The following FAM186B variants were observed in gnomAD, a reference collection of about 807,000 sequenced individuals.
FAM186B encodes family with sequence similarity 186 member B.
In FAM186B, 68 loss-of-function variants were observed where a neutral mutation model predicts 83.4. The ratio of observed to expected loss-of-function variants is 0.81; its 90% CI spans 0.67 to 1.00. FAM186B has a LOEUF of 1.00. FAM186B is among the 50% of genes least tolerant of loss of function. The pLI is 0.00. For synonymous variants in FAM186B, 389 were observed against 422.0 expected, an observed-to-expected ratio of 0.92 and a Z score of 0.96; for missense variants, 983 against 1,099.2, an observed-to-expected ratio of 0.89 and a Z score of 1.49.
At chr12:49,617,741 T>C in the FAM186B span, among the ~76,000 whole-genome samples, 5 of 152,232 alleles carry the variant, frequency 3.3e-5, no homozygotes, top group South Asian at 2.1e-4. Context: ...AAATGGTAGA[T>C]TGAACATGAG....
At position 49,599,568 on chromosome 12, in the gene FAM186B, T is replaced by C. The variant is rs1939816606; in HGVS notation, c.2072A>G (p.Lys691Arg). The C allele has an allele frequency of 2.5e-6, 4 of 1,612,362 alleles. No individual in the cohort carries two copies. Among genetic ancestry groups the C allele is most frequent in the Non-Finnish European group, 3.4e-6 (4 of 1,179,242 alleles). Residue 691 changes from lysine (K) to arginine (R), a missense_variant, in exon 4 of 7, where the codon AAA (lysine) becomes AGA (arginine). Physicochemically the swap from Lys to Arg is conservative, Grantham distance 26 (BLOSUM62 2). Transcript: ENST00000257894. ...GGTGGTGGTGGTGAGCTCCAGTGCT[T>C]TGCTGCGCAGGTAGTGGGGCAGCCT... ...ELRLPHYLRSKALELTTTTME... is the reference protein window; with the variant it reads ...ELRLPHYLRSRALELTTTTME...
At chr12:49,584,683 C>G (rs1173464908), downstream of FAM186B, 5 of 699,248 alleles carry the variant, frequency 7.2e-6, no homozygotes, top group African/African-American at 8.7e-5. Context: ...TGAGTGCCAT[C>G]CCACACCTGA....
chr12:49,609,646 T>G (rs1940064210), upstream of FAM186B, among the ~76,000 whole-genome samples: 1 of 152,232 alleles, frequency 6.6e-6, no homozygotes, highest in Non-Finnish European at 1.5e-5. Context: ...ACCTGGAGCA[T>G]GCACTCTCCT....
At chr12:49,598,730 G>A (rs760831694) in intron 5 of FAM186B, 25 bp downstream of exon 5, 12 of 1,520,338 alleles carry the variant, frequency 7.9e-6, no homozygotes, top group Middle Eastern at 2.3e-4. Flanking sequence ...GCGGAGTGGC[G>A]GGGGGGTCAG....
chr12:49,598,510 A>C (rs1214093419), intron 5 of FAM186B, among the ~76,000 whole-genome samples: 2 of 151,900 alleles, frequency 1.3e-5, no homozygotes, highest in Non-Finnish European at 2.9e-5. Flanking sequence ...TTGAAGAGAC[A>C]TCTCTCTCTC....
the FAM186B span, chr12:49,619,366 G>A: frequency 2.5e-6 from 1 of 402,318 alleles, no homozygotes. Flanking sequence ...CCCTTCATAT[G>A]ATGAAAATCT....
chr12:49,617,272 T>C, the FAM186B span, among the ~76,000 whole-genome samples: 2 of 152,214 alleles, frequency 1.3e-5, no homozygotes, highest in Non-Finnish European at 2.9e-5. Flanking sequence ...TGGCTGGACA[T>C]GGTGGCTCAC....
chr12:49,586,314 G>C (rs577702195), downstream of FAM186B, among the ~76,000 whole-genome samples: 44 of 152,268 alleles, frequency 2.9e-4, no homozygotes, highest in African/African-American at 1.0e-3. Flanking sequence ...CCAGAGAGGC[G>C]GGGAAAGAGG....
Position 49,587,673 on chromosome 12 carries a change from C to A in FAM186B, c.2614G>T (p.Ala872Ser), listed in dbSNP as rs1939477683. The A allele has an allele frequency of 2.5e-6, 4 of 1,613,626 alleles. No homozygotes were observed. The highest frequency in any genetic ancestry group is 3.4e-6 in the Non-Finnish European group (4 of 1,180,000). The change falls in exon 7 of 7, where the codon GCC becomes TCC. Residue 872 changes from alanine to serine, a missense_variant. Coordinates refer to ENST00000257894, the MANE Select transcript of FAM186B (RefSeq NM_032130.3). Reference protein sequence around the residue: ...SSYAIEKKTPASLPRDQLRGH... With the variant: ...SSYAIEKKTPSSLPRDQLRGH... Reference sequence around the variant, plus strand: ...CTCAGCTGGTCCCGGGGAAGGCTGGCAGGGGTCTTTTTTTCTATTGCGTAA... The same window carrying A: ...CTCAGCTGGTCCCGGGGAAGGCTGGAAGGGGTCTTTTTTTCTATTGCGTAA...
chr12:49,601,917 A>C (rs1174638234), intron 3 of FAM186B, among the ~76,000 whole-genome samples: 1 of 152,178 alleles, frequency 6.6e-6, no homozygotes, highest in East Asian at 1.9e-4. Context: ...GGAAATATAA[A>C]AATTAAGGGA....
chr12:49,583,942 T>G (rs1339985509), downstream of FAM186B: 1 of 154,590 alleles, frequency 6.5e-6, no homozygotes, highest in Non-Finnish European at 1.4e-5. Flanking sequence ...AGAGACGGCC[T>G]CCTTAGCCCA....
chr12:49,604,201 C>T (rs1298357974), intron 2 of FAM186B, 112 bp downstream of exon 2: 1 of 795,864 alleles, frequency 1.3e-6, no homozygotes. Context: ...TGTGCTGTGA[C>T]ACGAGTGGTG....
chr12:49,600,861 T>G lies in FAM186B; in HGVS notation c.779A>C (p.Lys260Thr). The G allele has an allele frequency of 1.2e-6, 2 of 1,613,568 alleles. No individual in the cohort carries two copies. Among genetic ancestry groups the G allele is most frequent in the East Asian group, 2.2e-5 (1 of 44,884 alleles). ...QHKENRSLET[K>T]YRHLQMQATK... ...CGCCTGCATTTGCAGGTGCCTGTATTTGGTCTCCAGGCTCCTGTTCTCCTT... is the reference window on the plus strand; with the variant it reads ...CGCCTGCATTTGCAGGTGCCTGTATGTGGTCTCCAGGCTCCTGTTCTCCTT... The change falls in exon 4 of 7, where the codon AAA (lysine) becomes ACA (threonine). Residue 260 changes from lysine (K) to threonine (T), a missense_variant. Coordinates refer to ENST00000257894, the MANE Select transcript of FAM186B (RefSeq NM_032130.3). This position sits in a 1 kb window ranked among gnomAD's most constrained non-coding sequence, Gnocchi z 4.3.
Position 49,605,405 on chromosome 12 carries a change from C to A in FAM186B, c.73G>T (p.Ala25Ser). Reference protein sequence around the residue: ...VKAIILRIEAAQLTRAQEDIS... With the variant: ...VKAIILRIEASQLTRAQEDIS... Reference sequence around the variant, plus strand: ...ACCTCTTGAGCCCGAGTTAGCTGGGCAGCCTCAATCCTCAGGATGATGGCT... The same window carrying A: ...ACCTCTTGAGCCCGAGTTAGCTGGGAAGCCTCAATCCTCAGGATGATGGCT... Residue 25 changes from alanine (A) to serine (S), a missense_variant, in exon 1 of 7, where the codon GCC (alanine) becomes TCC (serine). Transcript: ENST00000257894. 1 of 1,613,584 alleles carries A rather than the reference C, an allele frequency of 6.2e-7. No individual in the cohort carries two copies. Among genetic ancestry groups the A allele is most frequent in the Non-Finnish European group, 8.5e-7 (1 of 1,179,846 alleles).
At chr12:49,619,864 G>C in the FAM186B span, among the ~76,000 whole-genome samples, 1 of 151,414 alleles carries the variant, frequency 6.6e-6, no homozygotes, top group South Asian at 2.1e-4. Context: ...TTTTTTAGTA[G>C]AGACGGGGTT....
At chr12:49,610,005 G>C (rs1476440155), upstream of FAM186B, among the ~76,000 whole-genome samples, 1 of 152,140 alleles carries the variant, frequency 6.6e-6, no homozygotes, top group African/African-American at 2.4e-5. Context: ...CCATCTACTG[G>C]CCTGTACATC....
chr12:49,595,627 T>A, intron 5 of FAM186B: 1 of 417,228 alleles, frequency 2.4e-6, no homozygotes, highest in Non-Finnish European at 4.8e-6. Context: ...ATTACAATTG[T>A]TGAAGCCCTG....
chr12:49,596,379 A>C (rs967433694), intron 5 of FAM186B, among the ~76,000 whole-genome samples: 2 of 151,750 alleles, frequency 1.3e-5, no homozygotes, highest in Non-Finnish European at 1.5e-5. Flanking sequence ...CATTTATCCA[A>C]AAAAGACATA....
chr12:49,587,053 CAGTAGTGA>C (rs1939460464), downstream of FAM186B, among the ~76,000 whole-genome samples: 4 of 152,176 alleles, frequency 2.6e-5, no homozygotes, highest in Admixed American at 6.5e-5. Flanking sequence ...CTTGAGCCTC[CAGTAGTGA>C]CATCTACAAG....
Sources: allele counts gnomAD v4.1 joint callset (sites outside exome capture counted in the v4.1 genomes callset), GRCh38; gene constraint gnomAD v4.1.1; non-coding constraint Gnocchi (gnomAD v3.1); transcripts MANE v1.5; gene names NCBI Gene and HGNC (gene_info 2026-07-23, HGNC 2026-07-21).